The following SLC44A2 variants were observed in gnomAD, a reference collection of about 807,000 sequenced individuals.
SLC44A2 encodes solute carrier family 44 member 2 (CTL2 blood group).
SLC44A2 carries 57 observed loss-of-function variants against 90.8 expected under a neutral mutation model. The observed-to-expected ratio is 0.63, with a 90% CI of 0.51 to 0.78. The LOEUF is 0.78. SLC44A2 is among the 30% of genes least tolerant of loss of function. The pLI, the probability that SLC44A2 is intolerant of heterozygous loss-of-function variation, is 0.00. For synonymous variants in SLC44A2, 355 were observed against 360.7 expected (o/e 0.98, Z 0.18); for missense variants, 794 against 919.7 (o/e 0.86, Z 1.77).
At chr19:10,642,854 G>T in intron 21 of SLC44A2, 1 of 1,534,806 alleles carries the variant, frequency 6.5e-7, no homozygotes, top group South Asian at 1.2e-5. Context: ...CTCCCTTCCC[G>T]ACCACCCCAT....
At chr19:10,626,447 C>A in intron 2 of SLC44A2, 146 bp downstream of exon 2, 1 of 673,392 alleles carries the variant, frequency 1.5e-6, no homozygotes, top group Non-Finnish European at 2.6e-6. Flanking sequence ...CTTGCTCTGT[C>A]ACCAGGCTGG....
chr19:10,629,670 T>C (rs1202420952), intron 4 of SLC44A2, among the ~76,000 whole-genome samples: 1 of 152,022 alleles, frequency 6.6e-6, no homozygotes, highest in Non-Finnish European at 1.5e-5. Flanking sequence ...CTGGAACTCC[T>C]GGGCTTAAGC....
In SLC44A2 at chr19:10,642,397, C is replaced by G. The variant is rs2067126336; in HGVS notation, c.1960C>G (p.His654Asp). The G allele has an allele frequency of 6.2e-7, 1 of 1,614,174 alleles. No individual in the cohort carries two copies. Among genetic ancestry groups the G allele is most frequent in the East Asian group, 2.2e-5 (1 of 44,868 alleles). Reference sequence around the variant, plus strand: ...GATCGTTGGCTCCTACTTGATTGCACACGGTTTCTTCAGCGTCTATGGCAT... The same window carrying G: ...GATCGTTGGCTCCTACTTGATTGCAGACGGTTTCTTCAGCGTCTATGGCAT... ...TVIVGSYLIA[H>D]GFFSVYGMCV... The change falls in exon 21 of 22, where the codon CAC (histidine) becomes GAC (aspartate). Residue 654 changes from histidine (H) to aspartate (D), a missense_variant. Coordinates refer to ENST00000335757, the MANE Select transcript of SLC44A2 (RefSeq NM_020428.4).
chr19:10,639,439 T>TGGG (rs34277129), intron 20 of SLC44A2, among the ~76,000 whole-genome samples: 1 of 150,850 alleles, frequency 6.6e-6, no homozygotes, highest in South Asian at 2.1e-4. Flanking sequence ...TGGGCAGGTG[T>TGGG]GGGGGGGGTC....
chr19:10,619,636 C>A (rs766141044), intron 1 of SLC44A2, among the ~76,000 whole-genome samples: 13 of 151,920 alleles, frequency 8.6e-5, no homozygotes, highest in Non-Finnish European at 1.9e-4. Flanking sequence ...CTACGCCTGG[C>A]CTGAGATTCA....
chr19:10,643,105 T>C (rs2067136261), intron 21 of SLC44A2, 174 bp from the exon 22 acceptor site: 3 of 1,451,592 alleles, frequency 2.1e-6, no homozygotes. Context: ...CCTGCGAGTG[T>C]GGGGATCCTG....
chr19:10,604,307 T>C (rs1918039706), intron 1 of SLC44A2, among the ~76,000 whole-genome samples: 1 of 152,210 alleles, frequency 6.6e-6, no homozygotes. Flanking sequence ...AGGGGAAGTG[T>C]GTTTCACACA....
rs773337261 is a variant in SLC44A2 at position 10,636,768 on chromosome 19, CCACGGTTCGCATTAGCT to C, written c.1591+14_1591+30del. The C allele has an allele frequency of 2.0e-5, 33 of 1,610,724 alleles. 1 individual carries two copies. In the South Asian group the frequency reaches 3.5e-4, roughly 17 times the overall value. ...TCAGCGGCTGAAAGGTACGTCCCAC[CCACGGTTCGCATTAGCT>C]CCTGTTGCGGGGCGAGGCTGAATAG... On this transcript the variant is annotated intron_variant, in intron 16 of 21. Coordinates refer to ENST00000335757, the MANE Select transcript of SLC44A2 (RefSeq NM_020428.4).
rs1337100682 is a variant in SLC44A2 at position 10,635,229 on chromosome 19, C to T, written c.1122C>T (p.Cys374=). The T allele has an allele frequency of 1.2e-6, 2 of 1,613,962 alleles. No individual in the cohort carries two copies. The highest frequency in any genetic ancestry group is 1.7e-5 in the Admixed American group (1 of 59,982). ...TCACCTTCTTCTTGCTGTGCCTCTG[C>T]ATCGCCTACTGGGCCAGCACTGCTG... ...PLVTFFLLCL[C]IAYWASTAVF... The change falls in exon 13 of 22, where the codon TGC becomes TGT. Residue 374 remains cysteine, a synonymous_variant. Coordinates refer to ENST00000335757, the MANE Select transcript of SLC44A2 (RefSeq NM_020428.4).
chr19:10,633,973 A>ATTTTTTTTTTTTTTTTTTT (rs1406434263), intron 10 of SLC44A2, among the ~76,000 whole-genome samples: 1 of 107,948 alleles, frequency 9.3e-6, no homozygotes. Context: ...CCCCATCTCT[A>ATTTTTTTTTTTTTTTTTTT]TTTTTTTTTT....
chr19:10,642,314 G>A, intron 20 of SLC44A2, 53 bp from the exon 21 acceptor site: 1 of 1,493,820 alleles, frequency 6.7e-7, no homozygotes, highest in South Asian at 1.1e-5. Context: ...CAGGGGGTGG[G>A]GGCTGCTCTG....
chr19:10,641,914 T>C (rs2067120360), intron 20 of SLC44A2, among the ~76,000 whole-genome samples: 2 of 151,366 alleles, frequency 1.3e-5, no homozygotes, highest in East Asian at 3.9e-4. Flanking sequence ...TCCCAGCACT[T>C]TGGGAGGCTG....
In SLC44A2 at chr19:10,643,423, C is replaced by T. The variant is rs760337903; in HGVS notation, c.*38C>T. On this transcript the variant is annotated 3_prime_UTR_variant, in exon 22 of 22. Transcript: ENST00000335757. ...CCCCACCTCTCAAGGAGTCTCATGC[C>T]GCAGGGTGCTCAGTAGCTGGGTCTG... The T allele has an allele frequency of 6.8e-5, 107 of 1,582,440 alleles. No homozygotes were observed. The highest frequency in any genetic ancestry group is 1.7e-4 in the Middle Eastern group (1 of 6,032).
chr19:10,634,137 A>ATTTTTTTTTTTTTT (rs1177075276), intron 10 of SLC44A2, among the ~76,000 whole-genome samples: 8 of 80,278 alleles, frequency 1.0e-4, no homozygotes, highest in African/African-American at 2.1e-4. Context: ...CGCCCAGCTA[A>ATTTTTTTTTTTTTT]TTTTTTTTTT....
chr19:10,643,064 C>T, intron 21 of SLC44A2: 1 of 1,475,074 alleles, frequency 6.8e-7, no homozygotes, highest in Non-Finnish European at 8.9e-7. Context: ...TCCATGTAGA[C>T]TGGGGGTGCA....
intron 1 of SLC44A2, among the ~76,000 whole-genome samples, chr19:10,603,296 G>A (rs574761032): frequency 6.6e-6 from 1 of 152,052 alleles, no homozygotes; most frequent in Non-Finnish European, 1.5e-5. Flanking sequence ...CTGTGGTGCC[G>A]CCCTCCCCTG....
chr19:10,631,766 A>G lies in SLC44A2; in HGVS notation c.626+17A>G. ...GGGCGCCAAGTGAGGATATTGGCGC[A>G]CCGCGCCAGGGTCTCACTTTGCTGG... On this transcript the variant is annotated intron_variant, in intron 8 of 21. Coordinates refer to ENST00000335757, the MANE Select transcript of SLC44A2 (RefSeq NM_020428.4). 1 of 1,613,992 alleles carries G rather than the reference A, an allele frequency of 6.2e-7. No individual in the cohort carries two copies. The highest frequency in any genetic ancestry group is 8.5e-7 in the Non-Finnish European group (1 of 1,180,028).
Position 10,634,775 on chromosome 19 carries a change from GGAGTACTCCC to G in SLC44A2, c.846_855del (p.Glu282AspfsTer35). The G allele has an allele frequency of 1.9e-6, 3 of 1,614,168 alleles. No homozygotes were observed. Among genetic ancestry groups the G allele is most frequent in the Non-Finnish European group, 2.5e-6 (3 of 1,180,046 alleles). On this transcript the variant is annotated frameshift_variant, in exon 11 of 22. Transcript: ENST00000335757. LOFTEE classifies it high-confidence loss of function. ...ATGCAGGAATATTTCACTGCTACATGGAGTACTCCCGACTGCGTGGTGAGGCCGGCTCTGA... is the reference window on the plus strand; with the variant it reads ...ATGCAGGAATATTTCACTGCTACATGGACTGCGTGGTGAGGCCGGCTCTGA...
intron 1 of SLC44A2, among the ~76,000 whole-genome samples, chr19:10,613,084 A>G (rs1918354313): frequency 6.6e-6 from 1 of 151,992 alleles, no homozygotes; most frequent in African/African-American, 2.4e-5. Flanking sequence ...TTTTAGAGAC[A>G]GTGTTTTCTG....
Sources: allele counts gnomAD v4.1 joint callset (sites outside exome capture counted in the v4.1 genomes callset), GRCh38; gene constraint gnomAD v4.1.1; transcripts MANE v1.5; gene names NCBI Gene and HGNC (gene_info 2026-07-23, HGNC 2026-07-21).